Variants in ZNF804A observed in about 807,000 individuals in gnomAD.
The protein encoded by ZNF804A is zinc finger protein 804A.
Under a neutral mutation model 16.5 loss-of-function variants are expected in ZNF804A, and 2 were observed. That is an observed-to-expected ratio of 0.12 (90% CI 0.05 to 0.38). The LOEUF is 0.38. Among genes scored for constraint, ZNF804A ranks in the 10% least tolerant of loss-of-function variants. ZNF804A has a pLI of 0.99. For missense variants in ZNF804A, 1,473 were observed against 1,390.7 expected (o/e 1.06, Z -0.94); for synonymous variants, 534 against 489.6 (o/e 1.09, Z -1.20).
intron 1 of ZNF804A, among the ~76,000 whole-genome samples, chr2:184,659,487 T>C (rs1430263846): frequency 6.6e-6 from 1 of 151,920 alleles, no homozygotes; most frequent in Non-Finnish European, 1.5e-5. Flanking sequence ...AACAAATATA[T>C]ATACATATAT....
intron 2 of ZNF804A, among the ~76,000 whole-genome samples, chr2:184,870,294 C>G (rs1695955964): frequency 6.6e-6 from 1 of 151,896 alleles, no homozygotes. Context: ...ATGAATATGA[C>G]ACTCAGGATA....
chr2:184,849,958 G>A (rs1010009252), intron 1 of ZNF804A, among the ~76,000 whole-genome samples: 4 of 151,894 alleles, frequency 2.6e-5, no homozygotes, highest in Non-Finnish European at 5.9e-5. Flanking sequence ...AGTGAAATAC[G>A]GGAGGCACGG....
intron 1 of ZNF804A, among the ~76,000 whole-genome samples, chr2:184,741,239 C>T (rs1693704542): frequency 6.6e-6 from 1 of 152,016 alleles, no homozygotes; most frequent in Admixed American, 6.6e-5. Flanking sequence ...TTAAATCATC[C>T]AAAGGAAGAG....
At chr2:184,683,871 T>C (rs1266971396) in intron 1 of ZNF804A, among the ~76,000 whole-genome samples, 2 of 152,200 alleles carry the variant, frequency 1.3e-5, no homozygotes, top group Non-Finnish European at 2.9e-5. Flanking sequence ...TATTTAATGC[T>C]TTAATAATAT....
At chr2:184,818,146 G>T (rs932095889) in intron 1 of ZNF804A, among the ~76,000 whole-genome samples, 1 of 151,754 alleles carries the variant, frequency 6.6e-6, no homozygotes, top group Non-Finnish European at 1.5e-5. Flanking sequence ...AAATATTAAG[G>T]GCAGATAGAG....
chr2:184,630,594 T>C (rs1376306276), intron 1 of ZNF804A, among the ~76,000 whole-genome samples: 1 of 152,144 alleles, frequency 6.6e-6, no homozygotes, highest in East Asian at 1.9e-4. Flanking sequence ...AAGTAATATT[T>C]GAAATAAAAT....
intron 1 of ZNF804A, among the ~76,000 whole-genome samples, chr2:184,838,987 A>G (rs867098939): frequency 1.3e-5 from 2 of 152,100 alleles, no homozygotes; most frequent in African/African-American, 4.8e-5. Context: ...TGTGTTGGTT[A>G]CATGGTCATT....
intron 1 of ZNF804A, among the ~76,000 whole-genome samples, chr2:184,788,279 T>C (rs1014939310): frequency 6.6e-6 from 1 of 152,070 alleles, no homozygotes; most frequent in Non-Finnish European, 1.5e-5. Context: ...ATGTGATACC[T>C]TCAAATTTGT....
intron 2 of ZNF804A, among the ~76,000 whole-genome samples, 160 bp downstream of exon 2, chr2:184,866,672 A>G (rs1053833096): frequency 6.6e-6 from 1 of 151,150 alleles, no homozygotes; most frequent in Non-Finnish European, 1.5e-5. Context: ...GACTTACAGC[A>G]AAATCCTTTT....
chr2:184,721,625 C>T (rs1022306767), intron 1 of ZNF804A, among the ~76,000 whole-genome samples: 1 of 152,034 alleles, frequency 6.6e-6, no homozygotes, highest in Admixed American at 6.6e-5. Flanking sequence ...AACTCCTATA[C>T]ACTGTTGGTG....
intron 1 of ZNF804A, among the ~76,000 whole-genome samples, chr2:184,748,518 T>C (rs141519132): frequency 3.3e-5 from 5 of 151,528 alleles, no homozygotes; most frequent in African/African-American, 9.6e-5. Flanking sequence ...TTTTAGATTC[T>C]AGATGTTGGA....
intron 2 of ZNF804A, among the ~76,000 whole-genome samples, chr2:184,919,497 G>T (rs1685498858): frequency 6.6e-6 from 1 of 152,164 alleles, no homozygotes; most frequent in Admixed American, 6.5e-5. Context: ...GGGGAAAGAG[G>T]CTATCTACCT....
Position 184,739,115 on chromosome 2 carries a change from C to T in ZNF804A, c.112-127254C>T, listed in dbSNP as rs114084600. ...GAAGCTTGAGATTTTATTTTAGCTC[C>T]CATGATTATTTTGGAATACAGTTGT... On this transcript the variant is annotated intron_variant, in intron 1 of 3. Coordinates refer to ENST00000302277, the MANE Select transcript of ZNF804A (RefSeq NM_194250.2). Among the ~76,000 whole-genome samples, 604 of 152,088 alleles carry T rather than the reference C, an allele frequency of 4.0e-3. 12 individuals are homozygous for T. The highest frequency in any genetic ancestry group is 0.013 in the African/African-American group (549 of 41,500).
chr2:184,678,621 A>C (rs1692480203), intron 1 of ZNF804A, among the ~76,000 whole-genome samples: 1 of 152,182 alleles, frequency 6.6e-6, no homozygotes, highest in Admixed American at 6.5e-5. Context: ...GCCGGAGAAA[A>C]GCATTTGCAT....
intron 1 of ZNF804A, among the ~76,000 whole-genome samples, chr2:184,707,202 C>T (rs930779589): frequency 6.6e-6 from 1 of 152,124 alleles, no homozygotes; most frequent in Non-Finnish European, 1.5e-5. Flanking sequence ...TCTGAAACCA[C>T]TCACCTAGCC....
chr2:184,626,219 CT>C (rs1691496203), intron 1 of ZNF804A, among the ~76,000 whole-genome samples: 1 of 152,016 alleles, frequency 6.6e-6, no homozygotes, highest in Non-Finnish European at 1.5e-5. Flanking sequence ...TCCAATTTTT[CT>C]TTGTAATCTC....
At chr2:184,610,782 T>G (rs1691224059) in intron 1 of ZNF804A, among the ~76,000 whole-genome samples, 1 of 152,190 alleles carries the variant, frequency 6.6e-6, no homozygotes, top group African/African-American at 2.4e-5. Flanking sequence ...TTGCACCCAA[T>G]TTAGCAAGAA....
chr2:184,729,543 T>A (rs1693477686), intron 1 of ZNF804A, among the ~76,000 whole-genome samples: 1 of 152,078 alleles, frequency 6.6e-6, no homozygotes, highest in Admixed American at 6.6e-5. Context: ...CAATGTTATC[T>A]CTTGTAAGCC....
chr2:184,877,690 G>A (rs1274022950), intron 2 of ZNF804A, among the ~76,000 whole-genome samples: 1 of 151,994 alleles, frequency 6.6e-6, no homozygotes, highest in Non-Finnish European at 1.5e-5. Flanking sequence ...ATAGGTCCAT[G>A]CTACCTTCTT....
Sources: allele counts gnomAD v4.1 joint callset (sites outside exome capture counted in the v4.1 genomes callset), GRCh38; gene constraint gnomAD v4.1.1; transcripts MANE v1.5; gene names NCBI Gene and HGNC (gene_info 2026-07-23, HGNC 2026-07-21).